MIER1: variants seen among roughly 807,000 people sequenced by gnomAD.
MIER1 encodes the protein mesoderm induction early response protein 1.
Under a neutral mutation model 75.7 loss-of-function variants are expected in MIER1, and 40 were observed. The observed-to-expected ratio is 0.53, with a 90% CI of 0.41 to 0.69. The LOEUF (loss-of-function observed/expected upper bound fraction) is 0.69, where lower values mean the gene tolerates loss of function less well. MIER1 is among the 30% of genes least tolerant of loss of function. The pLI, the probability that MIER1 is intolerant of heterozygous loss-of-function variation, is 0.00. For synonymous variants in MIER1, 213 were observed against 223.4 expected, an observed-to-expected ratio of 0.95 and a Z score of 0.42; for missense variants, 574 against 680.2, an observed-to-expected ratio of 0.84 and a Z score of 1.74.
At chr1:66,932,998 GTA>G (rs1306156700) in intron 2 of MIER1, among the ~76,000 whole-genome samples, 1 of 152,088 alleles carries the variant, frequency 6.6e-6, no homozygotes, top group East Asian at 1.9e-4. Context: ...ATAATAGGAA[GTA>G]TATATTGGTT....
chr1:66,981,712 A>C (rs1164716228), intron 12 of MIER1, 67 bp from the exon 13 acceptor site: 3 of 1,316,432 alleles, frequency 2.3e-6, no homozygotes, highest in Non-Finnish European at 3.2e-6. Flanking sequence ...AGCCTTCTGA[A>C]TTTAACCTCA....
chr1:66,974,343 G>A (rs533735460), intron 11 of MIER1, among the ~76,000 whole-genome samples: 39 of 151,996 alleles, frequency 2.6e-4, no homozygotes, highest in African/African-American at 8.9e-4. Flanking sequence ...AGTGCATTAT[G>A]TGACTGGCCG....
chr1:66,950,592 G>A (rs943959985), intron 4 of MIER1, among the ~76,000 whole-genome samples: 4 of 151,778 alleles, frequency 2.6e-5, no homozygotes, highest in Non-Finnish European at 4.4e-5. Flanking sequence ...CACTATAACA[G>A]TATCAGTATT....
At chr1:66,977,945 T>A (rs1558113322) in intron 12 of MIER1, among the ~76,000 whole-genome samples, 2 of 152,136 alleles carry the variant, frequency 1.3e-5, no homozygotes. Context: ...ACTCCTGTAA[T>A]CCCAGCACTT....
intron 8 of MIER1, among the ~76,000 whole-genome samples, chr1:66,964,448 CTTTT>C (rs71058483): frequency 8.3e-6 from 1 of 119,788 alleles, no homozygotes; most frequent in East Asian, 2.5e-4. Flanking sequence ...TGTATGTTTC[CTTTT>C]TTTTTTTTTT....
rs528368954 is a variant in MIER1 at position 66,925,058 on chromosome 1, C to G, written c.30C>G (p.Gly10=). Residue 10 remains glycine (G), a synonymous_variant, in exon 1 of 14, where the codon GGC becomes GGG. Coordinates refer to ENST00000401041, the MANE Select transcript of MIER1 (RefSeq NM_001077700.3). ...ATGGGGCTTCTTCAGGCGGTGGCGG[C>G]AGCAGCGAAGGTGGCGGCGGCAGCA... MDGASSGGG[G]SSEGGGGSSG... is the part of the protein sequence containing the mutation. 2.5e-5 allele frequency: 39 copies of G among 1,548,914 alleles called. No homozygotes were observed. The Admixed American group carries it at 6.0e-4, about 24-fold the overall frequency.
intron 1 of MIER1, chr1:66,925,381 A>G: frequency 3.0e-6 from 3 of 985,304 alleles, no homozygotes; most frequent in Non-Finnish European, 3.6e-6. Context: ...TCCGCTGCGG[A>G]GTGAGTTCGC....
rs1666989136 is a variant in MIER1, at chr1:66,987,930, T to C, written c.*3030T>C. On this transcript the variant is annotated 3_prime_UTR_variant, in exon 14 of 14. Transcript: ENST00000401041. ...TAGACCTCCATTCACTCTGTTTCTC[T>C]TCTGCTGGATTATATAATTTAAAAA... 6.6e-6 allele frequency: 1 copy of C among 152,314 alleles called. No individual in the cohort carries two copies. The highest frequency in any genetic ancestry group is 2.4e-5 in the African/African-American group (1 of 41,440). 9.4% of individuals were successfully genotyped at this position (152,314 alleles called of 1,614,324 possible). A position where few individuals can be genotyped will look rare whatever the true frequency, so the allele number is the denominator to read the frequency against.
At chr1:66,945,079 T>C (rs1479498299) in intron 3 of MIER1, among the ~76,000 whole-genome samples, 5 of 152,124 alleles carry the variant, frequency 3.3e-5, no homozygotes, top group Admixed American at 3.3e-4. Context: ...TGAGTGCAGC[T>C]GTGTCTTCAC....
intron 8 of MIER1, among the ~76,000 whole-genome samples, chr1:66,969,409 G>T (rs1222503247): frequency 6.6e-6 from 1 of 151,858 alleles, no homozygotes; most frequent in African/African-American, 2.4e-5. Context: ...GCCAGGTATG[G>T]TGGCACATGC....
intron 1 of MIER1, chr1:66,925,392 C>CTCGCCCCGTTCGCT: frequency 1.0e-6 from 1 of 985,490 alleles, no homozygotes; most frequent in Non-Finnish European, 1.2e-6. Context: ...GTGAGTTCGC[C>CTCGCCCCGTTCGCT]TCGCCCCGTT....
At chr1:66,976,569 T>TA in intron 11 of MIER1, 26 bp from the exon 12 acceptor site, 2 of 1,527,962 alleles carry the variant, frequency 1.3e-6, no homozygotes, top group Non-Finnish European at 1.7e-6. Flanking sequence ...AGGAGATTCT[T>TA]AAAAGCAAGC....
rs1362476262 is a variant in MIER1, at chr1:66,946,134, A to G, written c.194-16A>G. The G allele has an allele frequency of 6.3e-7, 1 of 1,586,798 alleles. No individual in the cohort carries two copies. The highest frequency in any genetic ancestry group is 1.4e-5 in the African/African-American group (1 of 73,332). ...TTAATTTGGTTTACCAAACTTTTTG[A>G]AATATTCCTTACCAGGAGGTTCAGC... On this transcript the variant is annotated splice_polypyrimidine_tract_variant and intron_variant, in intron 3 of 13. Coordinates refer to ENST00000401041, the MANE Select transcript of MIER1 (RefSeq NM_001077700.3).
chr1:66,979,173 T>C (rs1428355051), intron 12 of MIER1, among the ~76,000 whole-genome samples: 1 of 152,228 alleles, frequency 6.6e-6, no homozygotes, highest in South Asian at 2.1e-4. Context: ...AGCTGTGTTA[T>C]GTCTTCTGTA....
At chr1:66,964,461 T>C (rs1661942115) in intron 8 of MIER1, among the ~76,000 whole-genome samples, 1 of 149,490 alleles carries the variant, frequency 6.7e-6, no homozygotes, top group Non-Finnish European at 1.5e-5. Context: ...TTTTTTTTTT[T>C]TTTTTTTTGA....
intron 3 of MIER1, among the ~76,000 whole-genome samples, chr1:66,943,364 G>A (rs1656702705): frequency 6.6e-6 from 1 of 152,130 alleles, no homozygotes; most frequent in Non-Finnish European, 1.5e-5. Flanking sequence ...AGAAAATTAA[G>A]ATAATATGCT....
At chr1:66,981,757 A>G in intron 12 of MIER1, 22 bp from the exon 13 acceptor site, 1 of 1,556,938 alleles carries the variant, frequency 6.4e-7, no homozygotes, top group Non-Finnish European at 8.7e-7. Flanking sequence ...TTTAATATAA[A>G]AATTGTTTTA....
chr1:66,950,071 A>C (rs1658566696), intron 4 of MIER1, among the ~76,000 whole-genome samples: 1 of 152,196 alleles, frequency 6.6e-6, no homozygotes, highest in Non-Finnish European at 1.5e-5. Context: ...CTTAGAGGGA[A>C]TGTCAGAATC....
At chr1:66,975,298 A>AGTACTTTGGGAGGT (rs1664479029) in intron 11 of MIER1, among the ~76,000 whole-genome samples, 1 of 152,212 alleles carries the variant, frequency 6.6e-6, no homozygotes, top group Non-Finnish European at 1.5e-5. Flanking sequence ...AGGTTGAAGC[A>AGTACTTTGGGAGGT]TGCAGATTGC....
Sources: gnomAD v4.1 joint callset for allele counts (sites outside exome capture counted in the v4.1 genomes callset) on GRCh38, gnomAD v4.1.1 for gene constraint, MANE v1.5 for transcripts, NCBI Gene and HGNC (gene_info 2026-07-23, HGNC 2026-07-21) for gene names.